The following MARCHF1 variants were observed in gnomAD, a reference collection of about 807,000 sequenced individuals.
MARCHF1 encodes the protein E3 ubiquitin-protein ligase MARCHF1.
A neutral mutation model predicts 54.2 loss-of-function variants in MARCHF1; 40 were observed. The ratio of observed to expected loss-of-function variants is 0.74; its 90% CI spans 0.57 to 0.96. The LOEUF is 0.96. Among genes scored for constraint, MARCHF1 ranks in the 40% least tolerant of loss-of-function variants. The probability of loss-of-function intolerance (pLI) is 0.00; values close to 1 mark genes in which losing one functional copy is unlikely to be tolerated. For synonymous variants in MARCHF1, 236 were observed against 236.3 expected, an observed-to-expected ratio of 1.00 and a Z score of 0.01; for missense variants, 586 against 656.5, an observed-to-expected ratio of 0.89 and a Z score of 1.17.
At chr4:163,741,724 T>G (rs12501462) in intron 4 of MARCHF1, among the ~76,000 whole-genome samples, 61,678 of 152,090 alleles carry the variant, frequency 0.41, 13,104 homozygotes, top group Non-Finnish European at 0.47. Context: ...TCTCACAGGA[T>G]ATCTGGCTTG....
chr4:164,026,131 T>G (rs1322316700), intron 2 of MARCHF1, among the ~76,000 whole-genome samples: 1 of 152,022 alleles, frequency 6.6e-6, no homozygotes, highest in African/African-American at 2.4e-5. Flanking sequence ...ACAAGATGGA[T>G]TCACAGCCAA....
intron 5 of MARCHF1, among the ~76,000 whole-genome samples, chr4:163,686,556 A>C (rs1206929298): frequency 6.6e-6 from 1 of 151,376 alleles, no homozygotes; most frequent in Non-Finnish European, 1.5e-5. Context: ...AACTACCTTA[A>C]ATATATACTT....
intron 1 of MARCHF1, among the ~76,000 whole-genome samples, chr4:164,238,624 A>G (rs1732636495): frequency 1.3e-5 from 2 of 152,122 alleles, no homozygotes; most frequent in South Asian, 4.1e-4. Context: ...TTAATAAAAT[A>G]TGGTTAAGAT....
rs562680579 is a variant in MARCHF1 at position 163,592,178 on chromosome 4, GATA to G, written c.1011-6252_1011-6250del. On this transcript the variant is annotated intron_variant, in intron 7 of 9. Coordinates refer to ENST00000514618, the MANE Select transcript of MARCHF1 (RefSeq NM_001394959.1). ...TAAGAATAAAAATATTTTACCAACA[GATA>G]ATACCATTTTTGTAATCATAAGTTT... Among the ~76,000 whole-genome samples the G allele has an allele frequency of 1.2e-3, 188 of 152,228 alleles. 2 individuals are homozygous for G. Among genetic ancestry groups the G allele is most frequent in the African/African-American group, 4.3e-3 (180 of 41,540 alleles).
rs959115651 is a variant in MARCHF1 at position 164,220,352 on chromosome 4, C to T, written c.-322-108690G>A. ...TAGGAATTCCATTATATATATGAAT[C>T]CCTATATACATATTCCCATATATAT... is the stretch of plus-strand genomic sequence containing the variant. On this transcript the variant is annotated intron_variant, in intron 1 of 9. Transcript: ENST00000514618. 5.6e-4 allele frequency among the ~76,000 whole-genome samples: 81 copies of T among 144,864 alleles called. 1 individual carries two copies. Among genetic ancestry groups the T allele is most frequent in the African/African-American group, 1.6e-3 (63 of 39,786 alleles).
At chr4:164,123,868 T>G (rs527903412) in intron 1 of MARCHF1, among the ~76,000 whole-genome samples, 1 of 152,158 alleles carries the variant, frequency 6.6e-6, no homozygotes, top group South Asian at 2.1e-4. Context: ...AATACCTCAC[T>G]AGCATAGGCA....
At chr4:163,653,376 G>A (rs1388116983) in intron 5 of MARCHF1, among the ~76,000 whole-genome samples, 1 of 151,730 alleles carries the variant, frequency 6.6e-6, no homozygotes, top group Non-Finnish European at 1.5e-5. Context: ...TGAGTTTGAT[G>A]GAAACCCATT....
chr4:164,083,709 T>C (rs377366694), intron 2 of MARCHF1, among the ~76,000 whole-genome samples: 87 of 152,270 alleles, frequency 5.7e-4, no homozygotes, highest in African/African-American at 1.9e-3. Flanking sequence ...AAATGTTTTG[T>C]GTGATCTCAG....
chr4:163,767,396 C>T (rs1037055102), intron 4 of MARCHF1, among the ~76,000 whole-genome samples: 3 of 151,430 alleles, frequency 2.0e-5, no homozygotes, highest in Non-Finnish European at 2.9e-5. Flanking sequence ...TGCAGTGGCG[C>T]GATCTCGGCT....
At chr4:164,001,463 C>T (rs1444637333) in intron 2 of MARCHF1, among the ~76,000 whole-genome samples, 1 of 151,592 alleles carries the variant, frequency 6.6e-6, no homozygotes, top group Admixed American at 6.6e-5. Flanking sequence ...AGATTTGTTC[C>T]TCTATTGTTT....
chr4:163,747,688 T>A (rs1746401659), intron 4 of MARCHF1, among the ~76,000 whole-genome samples: 2 of 152,062 alleles, frequency 1.3e-5, no homozygotes, highest in South Asian at 4.2e-4. Flanking sequence ...CAACTGAAAT[T>A]TAAAAACTCA....
intron 4 of MARCHF1, among the ~76,000 whole-genome samples, chr4:163,736,476 T>G (rs867978207): frequency 1.3e-5 from 2 of 150,104 alleles, no homozygotes; most frequent in African/African-American, 4.9e-5. Flanking sequence ...AATTTTCCAT[T>G]TAATATTTTT....
chr4:163,685,646 G>T (rs1037271742), intron 5 of MARCHF1, among the ~76,000 whole-genome samples: 13 of 152,020 alleles, frequency 8.6e-5, no homozygotes, highest in Admixed American at 7.9e-4. Flanking sequence ...TAGAGATGGG[G>T]CTTTACCATG....
At chr4:164,061,453 T>G (rs1181666559) in intron 2 of MARCHF1, among the ~76,000 whole-genome samples, 1 of 134,594 alleles carries the variant, frequency 7.4e-6, no homozygotes, top group Non-Finnish European at 1.5e-5. Context: ...TCAGTGTATA[T>G]AAAAGTTATA....
intron 1 of MARCHF1, among the ~76,000 whole-genome samples, chr4:164,291,012 C>T (rs369845255): frequency 2.6e-5 from 4 of 151,694 alleles, no homozygotes; most frequent in Non-Finnish European, 5.9e-5. Flanking sequence ...AATTATGATG[C>T]TTATCCGTAG....
chr4:164,066,924 G>A (rs1433653244), intron 2 of MARCHF1, among the ~76,000 whole-genome samples: 1 of 151,982 alleles, frequency 6.6e-6, no homozygotes, highest in African/African-American at 2.4e-5. Context: ...TGGGTACTAA[G>A]CTTAATATCA....
intron 1 of MARCHF1, among the ~76,000 whole-genome samples, chr4:164,159,109 CT>C (rs1414490493): frequency 2.6e-5 from 4 of 152,162 alleles, no homozygotes; most frequent in African/African-American, 9.7e-5. Context: ...GGCCAAATTA[CT>C]TAATCTCTTC....
intron 1 of MARCHF1, among the ~76,000 whole-genome samples, chr4:164,375,694 CAT>C (rs1226290025): frequency 2.6e-5 from 4 of 152,172 alleles, no homozygotes; most frequent in East Asian, 1.9e-4. Context: ...TGCACACACA[CAT>C]GTACAATTAA....
At chr4:163,771,850 A>C (rs931414166) in intron 4 of MARCHF1, among the ~76,000 whole-genome samples, 1 of 152,224 alleles carries the variant, frequency 6.6e-6, no homozygotes, top group African/African-American at 2.4e-5. Flanking sequence ...TTTGAGAAAC[A>C]CGAAACAAAG....
Sources: allele counts gnomAD v4.1 joint callset (sites outside exome capture counted in the v4.1 genomes callset), GRCh38; gene constraint gnomAD v4.1.1; transcripts MANE v1.5; gene names NCBI Gene and HGNC (gene_info 2026-07-23, HGNC 2026-07-21).